The following PDE1C variants were observed in gnomAD, a reference collection of about 807,000 sequenced individuals.
The protein encoded by PDE1C is dual specificity calcium/calmodulin-dependent 3',5'-cyclic nucleotide phosphodiesterase 1C.
PDE1C carries 62 observed loss-of-function variants against 93.1 expected under a neutral mutation model. That is an observed-to-expected ratio of 0.67 (90% confidence interval 0.54 to 0.82). The LOEUF is 0.82. Ranked by LOEUF, PDE1C falls within the 40% of genes least tolerant of loss-of-function variation. The pLI is 0.00. For synonymous variants in PDE1C, 325 were observed against 310.1 expected (o/e 1.05, Z -0.50); for missense variants, 742 against 884.6 (o/e 0.84, Z 2.04).
the PDE1C span, among the ~76,000 whole-genome samples, chr7:31,723,439 G>T: frequency 6.6e-6 from 1 of 152,174 alleles, no homozygotes; most frequent in African/African-American, 2.4e-5. Context: ...AGCCTGCCTG[G>T]CACTCTAGTG....
intron 2 of PDE1C, among the ~76,000 whole-genome samples, chr7:31,921,833 A>G (rs911376826): frequency 6.6e-6 from 1 of 152,214 alleles, no homozygotes; most frequent in Non-Finnish European, 1.5e-5. Context: ...CATGTTATCA[A>G]TTATCAATAA....
At chr7:32,110,887 A>G (rs1219329121) in intron 3 of PDE1C, among the ~76,000 whole-genome samples, 1 of 152,192 alleles carries the variant, frequency 6.6e-6, no homozygotes, top group Non-Finnish European at 1.5e-5. Context: ...CACATTGAAC[A>G]TACTCTCACA....
chr7:31,786,996 GGAAAAGT>G (rs1446535840), intron 16 of PDE1C: 2 of 151,190 alleles, frequency 1.3e-5, no homozygotes, highest in Non-Finnish European at 2.9e-5. Context: ...ACCTATCTAA[GGAAAAGT>G]GACCCATGAG....
chr7:31,646,555 G>A, the PDE1C span, among the ~76,000 whole-genome samples: 2 of 152,262 alleles, frequency 1.3e-5, no homozygotes, highest in South Asian at 2.1e-4. Flanking sequence ...CCAGCTCCAG[G>A]GTGACCAAGT....
chr7:31,620,675 A>G, the PDE1C span, among the ~76,000 whole-genome samples: 1 of 151,538 alleles, frequency 6.6e-6, no homozygotes, highest in Non-Finnish European at 1.5e-5. Context: ...CAGAACAGAA[A>G]AACTGGAAAC....
the PDE1C span, among the ~76,000 whole-genome samples, chr7:31,625,631 AGGAGGGG>A: frequency 1.3e-5 from 2 of 148,464 alleles, no homozygotes; most frequent in African/African-American, 2.5e-5. Flanking sequence ...GTGGGGTGGG[AGGAGGGG>A]GGAGGGATAG....
chr7:32,131,339 A>T (rs1386003152), intron 3 of PDE1C, among the ~76,000 whole-genome samples: 1 of 152,198 alleles, frequency 6.6e-6, no homozygotes, highest in Admixed American at 6.6e-5. Flanking sequence ...CAAGGTCTGT[A>T]TTTAATCACT....
rs80104928 is a variant in PDE1C, at chr7:32,206,317, C to T, written c.136+3172G>A. The stretch of plus-strand genomic sequence containing the variant: ...GAAAGGGGCCAGTTTATGCAGTCTT[C>T]AATCAGCGTTTTTCTCTAGGTCAGG... On this transcript the variant is annotated intron_variant, in intron 2 of 18. Transcript: ENST00000396193. Among the ~76,000 whole-genome samples the T allele has an allele frequency of 1.0e-2, 1,520 of 152,232 alleles. 31 individuals are homozygous for T. The highest frequency in any genetic ancestry group is 0.077 in the East Asian group (397 of 5,172).
the PDE1C span, among the ~76,000 whole-genome samples, chr7:31,717,627 A>T: frequency 3.7e-4 from 57 of 152,354 alleles, 1 homozygote; most frequent in African/African-American, 1.3e-3. Context: ...GAAAAACAAA[A>T]GAGAAAATAA....
the PDE1C span, chr7:31,653,051 C>A: frequency 7.1e-3 from 8,268 of 1,160,740 alleles, 465 homozygotes; most frequent in African/African-American, 0.11. Context: ...ACAGAGTATG[C>A]AACAGTGACT....
intron 1 of PDE1C, among the ~76,000 whole-genome samples, chr7:32,325,160 G>A (rs1783381250): frequency 6.6e-6 from 1 of 152,190 alleles, no homozygotes; most frequent in South Asian, 2.1e-4. Flanking sequence ...ACTCAACTGT[G>A]ACCACCACTA....
At chr7:32,045,369 A>G (rs1309305529) in intron 2 of PDE1C, among the ~76,000 whole-genome samples, 2 of 152,100 alleles carry the variant, frequency 1.3e-5, no homozygotes, top group African/African-American at 4.8e-5. Flanking sequence ...TCAGGTGGCA[A>G]TCTTGGAATG....
rs1005994373 is a variant in PDE1C at position 31,925,132 on chromosome 7, G to A, written c.129-44272C>T. On this transcript the variant is annotated intron_variant, in intron 2 of 17. Coordinates refer to ENST00000396191, the MANE Select transcript of PDE1C (RefSeq NM_001191057.4). Reference sequence around the variant, plus strand: ...GTGTGAGAGAGAGATGAGAGAGACAGATTCATCACTATCAAGATAAGAGCT... The same window carrying A: ...GTGTGAGAGAGAGATGAGAGAGACAAATTCATCACTATCAAGATAAGAGCT... 2.0e-5 allele frequency among the ~76,000 whole-genome samples: 3 copies of A among 151,230 alleles called. No homozygotes were observed. The Admixed American group carries it at 2.0e-4, about 10-fold the overall frequency.
chr7:32,142,894 T>C (rs191206774), intron 3 of PDE1C, among the ~76,000 whole-genome samples: 2 of 152,108 alleles, frequency 1.3e-5, no homozygotes, highest in East Asian at 1.9e-4. Flanking sequence ...TATATATATA[T>C]ACAAATAACT....
At chr7:31,884,515 T>C (rs714474) in intron 2 of PDE1C, among the ~76,000 whole-genome samples, 18,367 of 152,144 alleles carry the variant, frequency 0.12, 1,610 homozygotes, top group East Asian at 0.26. Flanking sequence ...CCATCTCCTG[T>C]TTGGGTGTCA....
Position 32,017,062 on chromosome 7 carries a change from A to C in PDE1C, c.128+34492T>G, listed in dbSNP as rs992957699. On this transcript the variant is annotated intron_variant, in intron 2 of 17. Transcript: ENST00000396191. ...TGAGGATAATAGCAGTACTTATTTC[A>C]TAGTTACTGGGAATGCTAAATGGAG... 2.0e-5 allele frequency among the ~76,000 whole-genome samples: 3 copies of C among 152,150 alleles called. No homozygotes were observed. The East Asian group carries it at 5.8e-4, about 29-fold the overall frequency.
At chr7:32,129,979 C>T (rs1341325776) in intron 3 of PDE1C, among the ~76,000 whole-genome samples, 3 of 152,016 alleles carry the variant, frequency 2.0e-5, no homozygotes, top group Non-Finnish European at 4.4e-5. Flanking sequence ...CCAAGTTTTT[C>T]TTCCCTGTTA....
rs149990248 is a variant in PDE1C at position 32,206,141 on chromosome 7, C to T, written c.136+3348G>A. Among the ~76,000 whole-genome samples, 76 of 152,196 alleles carry T rather than the reference C, an allele frequency of 5.0e-4. 1 individual carries two copies. Among genetic ancestry groups the T allele is most frequent in the African/African-American group, 1.8e-3 (75 of 41,528 alleles). ...ACACAGAATTCAAACCCCGGCTTGACCCCCAGAGCTTACATGGTGGCTGCT... is the reference window on the plus strand; with the variant it reads ...ACACAGAATTCAAACCCCGGCTTGATCCCCAGAGCTTACATGGTGGCTGCT... On this transcript the variant is annotated intron_variant, in intron 2 of 18. Coordinates refer to the PDE1C transcript ENST00000396193.
chr7:31,701,926 A>T, the PDE1C span, among the ~76,000 whole-genome samples: 1 of 152,224 alleles, frequency 6.6e-6, no homozygotes, highest in Admixed American at 6.5e-5. Context: ...GGAAACCAAA[A>T]AATTTGTATG....
Sources: allele counts gnomAD v4.1 joint callset (sites outside exome capture counted in the v4.1 genomes callset), GRCh38; gene constraint gnomAD v4.1.1; transcripts MANE v1.5; gene names NCBI Gene and HGNC (gene_info 2026-07-23, HGNC 2026-07-21).